The following STK3 variants were observed in gnomAD, a reference collection of about 807,000 sequenced individuals.
STK3 encodes the protein serine/threonine kinase 3, also known as serine/threonine-protein kinase 3.
STK3 carries 41 observed loss-of-function variants against 58.0 expected under a neutral mutation model. That is an observed-to-expected ratio of 0.71 (90% confidence interval 0.55 to 0.92). The LOEUF (loss-of-function observed/expected upper bound fraction) is 0.92, where lower values mean the gene tolerates loss of function less well. Among genes scored for constraint, STK3 ranks in the 40% least tolerant of loss-of-function variants. The pLI is 0.00. For synonymous variants in STK3, 170 were observed against 191.0 expected (o/e 0.89, Z 0.91); for missense variants, 479 against 602.7 (o/e 0.79, Z 2.15).
chr8:98,494,867 C>T (rs1823004531), intron 10 of STK3, among the ~76,000 whole-genome samples: 5 of 152,172 alleles, frequency 3.3e-5, no homozygotes, highest in African/African-American at 1.2e-4. Flanking sequence ...CAGGAAAAAA[C>T]TGGAGAGACA....
intron 3 of STK3, among the ~76,000 whole-genome samples, chr8:98,761,417 A>G (rs1420676154): frequency 1.3e-5 from 2 of 152,098 alleles, no homozygotes; most frequent in African/African-American, 4.8e-5. Flanking sequence ...GAGCCACCAC[A>G]TACAATCAAA....
At chr8:98,738,176 T>C (rs534650504) in intron 4 of STK3, among the ~76,000 whole-genome samples, 2 of 152,210 alleles carry the variant, frequency 1.3e-5, no homozygotes, top group Non-Finnish European at 2.9e-5. Flanking sequence ...GCTTGACAAC[T>C]TATTCTAAAA....
At chr8:98,519,823 T>G (rs1683611503) in intron 10 of STK3, among the ~76,000 whole-genome samples, 1 of 152,118 alleles carries the variant, frequency 6.6e-6, no homozygotes, top group Non-Finnish European at 1.5e-5. Context: ...TATTTAAGAA[T>G]CAGAGTAATT....
At chr8:98,650,740 G>C (rs536804161) in intron 6 of STK3, among the ~76,000 whole-genome samples, 3 of 152,328 alleles carry the variant, frequency 2.0e-5, no homozygotes, top group Admixed American at 2.0e-4. Context: ...CTGATTGCTA[G>C]GACAGCAGTC....
chr8:98,470,819 AG>A (rs1820861699), intron 10 of STK3, among the ~76,000 whole-genome samples: 1 of 152,204 alleles, frequency 6.6e-6, no homozygotes, highest in African/African-American at 2.4e-5. Context: ...GACTCTTAAG[AG>A]GTGTGGGTTT....
chr8:98,489,606 C>T (rs1272485080), intron 10 of STK3, among the ~76,000 whole-genome samples: 1 of 152,054 alleles, frequency 6.6e-6, no homozygotes, highest in Non-Finnish European at 1.5e-5. Context: ...TTCACTTAAC[C>T]TTTAATCCAC....
intron 8 of STK3, among the ~76,000 whole-genome samples, chr8:98,550,384 A>T (rs1310197688): frequency 6.6e-6 from 1 of 152,170 alleles, no homozygotes. Flanking sequence ...TTTACTTATT[A>T]CGTAAATACT....
chr8:98,919,163 G>C (rs911270872), intron 1 of STK3, among the ~76,000 whole-genome samples: 4 of 152,160 alleles, frequency 2.6e-5, no homozygotes, highest in Non-Finnish European at 5.9e-5. Flanking sequence ...GATAAGAGTT[G>C]AGGGACCCCT....
upstream of STK3, among the ~76,000 whole-genome samples, chr8:98,390,752 G>T (rs1586545868): frequency 6.6e-6 from 1 of 151,840 alleles, no homozygotes; most frequent in African/African-American, 2.4e-5. Context: ...CTGTTTTTTA[G>T]ATTAGGTCAT....
At chr8:98,497,424 T>C (rs573515391) in intron 10 of STK3, among the ~76,000 whole-genome samples, 31 of 149,070 alleles carry the variant, frequency 2.1e-4, no homozygotes, top group African/African-American at 7.1e-4. Flanking sequence ...AAAGCACTAG[T>C]AAAAAAAAAG....
rs537716527 is a variant in STK3, at chr8:98,553,873, GA to G, written c.949-5713del. Among the ~76,000 whole-genome samples the G allele has an allele frequency of 3.8e-3, 573 of 151,996 alleles. 4 individuals are homozygous for G. The highest frequency in any genetic ancestry group is 6.9e-3 in the Non-Finnish European group (472 of 67,986). On this transcript the variant is annotated intron_variant, in intron 8 of 10. Transcript: ENST00000419617. ...CCAGCTACTTAGAAGGCTGATGCAG[GA>G]GAATCATTTGAACCCGGGAGGCAGA...
At chr8:98,616,852 C>T (rs1817774142) in intron 6 of STK3, among the ~76,000 whole-genome samples, 1 of 149,906 alleles carries the variant, frequency 6.7e-6, no homozygotes, top group Non-Finnish European at 1.5e-5. Flanking sequence ...GACTCCCACA[C>T]ATTAATAATG....
chr8:98,467,154 T>C (rs892687820), intron 10 of STK3, among the ~76,000 whole-genome samples: 1 of 152,134 alleles, frequency 6.6e-6, no homozygotes, highest in Non-Finnish European at 1.5e-5. Flanking sequence ...ACCGTATCCC[T>C]TTCCTGCAGG....
intron 10 of STK3, among the ~76,000 whole-genome samples, chr8:98,506,565 GC>G (rs1482249679): frequency 6.6e-6 from 1 of 152,084 alleles, no homozygotes; most frequent in African/African-American, 2.4e-5. Context: ...AATAAAATTA[GC>G]CAGGTGAAGT....
At chr8:98,429,920 C>T (rs1818305179) in intron 3 of STK3, 1 of 168,096 alleles carries the variant, frequency 5.9e-6, no homozygotes, top group Non-Finnish European at 1.5e-5. Context: ...ATTGCTTTCA[C>T]TTAGTTTTAG....
intron 7 of STK3, among the ~76,000 whole-genome samples, chr8:98,584,962 T>A (rs1814362535): frequency 6.7e-6 from 1 of 150,230 alleles, no homozygotes; most frequent in East Asian, 2.0e-4. Flanking sequence ...TTCTTGTAAA[T>A]TTGTTTGAGT....
rs145380055 is a variant in STK3 at position 98,410,848 on chromosome 8, A to G, written n.484-9335T>C. Among the ~76,000 whole-genome samples the G allele has an allele frequency of 3.4e-3, 524 of 152,236 alleles. 2 individuals are homozygous for G. Among genetic ancestry groups the G allele is most frequent in the South Asian group, 0.017 (84 of 4,818 alleles). ...AGAAGAAAGGGGAAGAGTGGATTCT[A>G]AGTGTTTCTTTTCACTTAATAATTT... On this transcript the variant is annotated intron_variant and non_coding_transcript_variant, in intron 3 of 3. Transcript: ENST00000517832.
chr8:98,675,653 G>A (rs937312357), intron 6 of STK3, among the ~76,000 whole-genome samples: 11 of 152,008 alleles, frequency 7.2e-5, no homozygotes, highest in Admixed American at 6.6e-5. Flanking sequence ...ACGAGGTCAG[G>A]AGATCGAGAC....
intron 3 of STK3, among the ~76,000 whole-genome samples, chr8:98,403,740 C>A (rs564483873): frequency 1.3e-5 from 2 of 152,176 alleles, no homozygotes; most frequent in African/African-American, 4.8e-5. Context: ...TGCACACTAC[C>A]CTTGTTACAA....
Sources: allele counts gnomAD v4.1 joint callset (sites outside exome capture counted in the v4.1 genomes callset), GRCh38; gene constraint gnomAD v4.1.1; transcripts MANE v1.5; gene names NCBI Gene and HGNC (gene_info 2026-07-23, HGNC 2026-07-21).